Variants in RIN3 observed in about 807,000 individuals in gnomAD.
RIN3 encodes RAB5 interacting protein 3.
A neutral mutation model predicts 76.3 loss-of-function variants in RIN3; 54 were observed. The ratio of observed to expected loss-of-function variants is 0.71; its 90% CI spans 0.57 to 0.89. The LOEUF (loss-of-function observed/expected upper bound fraction) is 0.89. Among genes scored for constraint, RIN3 ranks in the 40% least tolerant of loss-of-function variants. The probability of loss-of-function intolerance (pLI) is 0.00; values close to 1 mark genes in which losing one functional copy is unlikely to be tolerated. For missense variants in RIN3, 1,256 were observed against 1,322.1 expected (o/e 0.95, Z 0.78); for synonymous variants, 576 against 564.0 (o/e 1.02, Z -0.30).
intron 2 of RIN3, among the ~76,000 whole-genome samples, chr14:92,570,803 T>C (rs1230143729): frequency 2.0e-5 from 3 of 152,236 alleles, no homozygotes; most frequent in South Asian, 4.1e-4. Flanking sequence ...GTTTTACTTA[T>C]ACAGGCAGAG....
intron 3 of RIN3, among the ~76,000 whole-genome samples, chr14:92,604,897 A>G (rs990087359): frequency 2.6e-5 from 3 of 115,914 alleles, no homozygotes; most frequent in Admixed American, 1.7e-4. Context: ...CAATTTCCTT[A>G]TCCATTTTCC....
At chr14:92,649,069 T>C (rs1887308186) in intron 5 of RIN3, among the ~76,000 whole-genome samples, 1 of 152,054 alleles carries the variant, frequency 6.6e-6, no homozygotes, top group Non-Finnish European at 1.5e-5. Flanking sequence ...CAGACTGGAA[T>C]GCCAGGCTAA....
intron 1 of RIN3, among the ~76,000 whole-genome samples, chr14:92,545,196 G>A (rs1448470095): frequency 4.5e-5 from 6 of 132,244 alleles, no homozygotes; most frequent in African/African-American, 1.4e-4. Flanking sequence ...TGCAAGCTCC[G>A]CCTCCCGGGT....
At chr14:92,683,569 A>G (rs1383869574) in intron 8 of RIN3, among the ~76,000 whole-genome samples, 2 of 152,278 alleles carry the variant, frequency 1.3e-5, no homozygotes, top group South Asian at 2.1e-4. Flanking sequence ...AACATTGTGT[A>G]TTAAGAATAT....
chr14:92,577,591 G>C, intron 3 of RIN3, 114 bp downstream of exon 3: 1 of 624,110 alleles, frequency 1.6e-6, no homozygotes, highest in Non-Finnish European at 2.9e-6. Flanking sequence ...TTTAAAATTA[G>C]AAGGAGGAAA....
At chr14:92,666,901 C>T (rs933271018) in intron 7 of RIN3, among the ~76,000 whole-genome samples, 3 of 152,182 alleles carry the variant, frequency 2.0e-5, no homozygotes, top group Non-Finnish European at 4.4e-5. Context: ...CTGATACCAC[C>T]CACGTGAGCT....
intron 4 of RIN3, among the ~76,000 whole-genome samples, chr14:92,636,226 CAGAA>C (rs71123365): frequency 0.093 from 14,089 of 151,560 alleles, 954 homozygotes; most frequent in East Asian, 0.31. Context: ...GAGAGGAAGA[CAGAA>C]AGAAAGAGAG....
intron 7 of RIN3, among the ~76,000 whole-genome samples, chr14:92,668,727 G>A (rs1236540753): frequency 6.6e-6 from 1 of 152,190 alleles, no homozygotes; most frequent in Non-Finnish European, 1.5e-5. Flanking sequence ...CTATTTCCAG[G>A]AAACTCTCTA....
At chr14:92,663,104 C>T (rs1473873108) in intron 7 of RIN3, among the ~76,000 whole-genome samples, 7 of 152,210 alleles carry the variant, frequency 4.6e-5, no homozygotes, top group Admixed American at 4.6e-4. Flanking sequence ...AGCCACCACA[C>T]CCAGCCTGAC....
At chr14:92,582,609 C>A (rs563407417) in intron 3 of RIN3, among the ~76,000 whole-genome samples, 22 of 152,070 alleles carry the variant, frequency 1.4e-4, no homozygotes. Flanking sequence ...TGCGCCATCA[C>A]GTCCGGCTAA....
intron 7 of RIN3, among the ~76,000 whole-genome samples, chr14:92,667,782 G>A (rs1323917511): frequency 6.6e-6 from 1 of 152,150 alleles, no homozygotes; most frequent in Non-Finnish European, 1.5e-5. Flanking sequence ...TTTGGAGGTG[G>A]AGGGCCATGC....
intron 8 of RIN3, among the ~76,000 whole-genome samples, chr14:92,679,694 G>T (rs972795947): frequency 6.6e-6 from 1 of 152,334 alleles, no homozygotes; most frequent in East Asian, 1.9e-4. Context: ...TGGTGCAGGT[G>T]GGGAGGGAGA....
At chr14:92,595,613 C>T (rs1294995092) in intron 3 of RIN3, among the ~76,000 whole-genome samples, 1 of 152,148 alleles carries the variant, frequency 6.6e-6, no homozygotes, top group East Asian at 1.9e-4. Context: ...TGAGCTTGTG[C>T]AAAGCCATGG....
chr14:92,544,865 T>A (rs954802557), intron 1 of RIN3, among the ~76,000 whole-genome samples: 4 of 152,202 alleles, frequency 2.6e-5, no homozygotes, highest in Non-Finnish European at 5.9e-5. Flanking sequence ...ATTGCAGAAC[T>A]GGTTGAAACC....
At chr14:92,556,928 T>C (rs567851050) in intron 2 of RIN3, among the ~76,000 whole-genome samples, 3 of 152,302 alleles carry the variant, frequency 2.0e-5, no homozygotes, top group South Asian at 4.1e-4. Context: ...TACAGTTCAG[T>C]GGCATTTAGT....
intron 7 of RIN3, among the ~76,000 whole-genome samples, chr14:92,661,439 C>T (rs546267361): frequency 6.4e-4 from 98 of 152,226 alleles, no homozygotes; most frequent in African/African-American, 2.3e-3. Context: ...GAATTGTGCT[C>T]CCCAGGCCAG....
chr14:92,605,614 T>C (rs575105501), intron 3 of RIN3, among the ~76,000 whole-genome samples: 6 of 152,354 alleles, frequency 3.9e-5, no homozygotes, highest in African/African-American at 1.4e-4. Flanking sequence ...CATGTGTCAA[T>C]AGACATTCTT....
chr14:92,568,517 C>A lies in RIN3; in HGVS notation c.250-8843C>A, dbSNP rs894162277. Among the ~76,000 whole-genome samples, 1 of 152,210 alleles carries A rather than the reference C, an allele frequency of 6.6e-6. No homozygotes were observed. The highest frequency in any genetic ancestry group is 2.4e-5 in the African/African-American group (1 of 41,448). On this transcript the variant is annotated intron_variant, in intron 2 of 9. Coordinates refer to ENST00000216487, the MANE Select transcript of RIN3 (RefSeq NM_024832.5). This position sits in a 1 kb window ranked among gnomAD's most constrained non-coding sequence, Gnocchi z 4.2. ...AGAAGAGTCTCCATGACTAGCTCAG[C>A]AGCTAAACCTCCCCAGAGAGGAACA...
At chr14:92,661,646 C>T (rs1347669875) in intron 7 of RIN3, among the ~76,000 whole-genome samples, 1 of 151,732 alleles carries the variant, frequency 6.6e-6, no homozygotes, top group Non-Finnish European at 1.5e-5. Context: ...ATCACTTGAA[C>T]CCGGGAGGCA....
Sources: gnomAD v4.1 joint callset for allele counts (sites outside exome capture counted in the v4.1 genomes callset) on GRCh38, gnomAD v4.1.1 for gene constraint, Gnocchi (gnomAD v3.1) non-coding constraint, MANE v1.5 for transcripts, NCBI Gene and HGNC (gene_info 2026-07-23, HGNC 2026-07-21) for gene names.